PRELID2: variants seen among roughly 807,000 people sequenced by gnomAD.
PRELID2 encodes PRELI domain-containing protein 2.
PRELID2 carries 25 observed loss-of-function variants against 28.4 expected under a neutral mutation model. The observed-to-expected ratio is 0.88, with a 90% CI of 0.64 to 1.23. The LOEUF (loss-of-function observed/expected upper bound fraction) is 1.23. Ranked by LOEUF, PRELID2 falls within the 50% of genes most tolerant of loss-of-function variation. PRELID2 has a pLI of 0.00. For synonymous variants in PRELID2, 76 were observed against 71.6 expected, an observed-to-expected ratio of 1.06 and a Z score of -0.31; for missense variants, 201 against 214.4, an observed-to-expected ratio of 0.94 and a Z score of 0.39.
chr5:145,706,783 A>G (rs970003820), intron 1 of PRELID2, among the ~76,000 whole-genome samples: 6 of 152,206 alleles, frequency 3.9e-5, no homozygotes, highest in African/African-American at 1.4e-4. Context: ...CATGTTACCT[A>G]TGAAACATAA....
chr5:145,316,085 T>C, the PRELID2 span, among the ~76,000 whole-genome samples: 2 of 152,180 alleles, frequency 1.3e-5, no homozygotes, highest in African/African-American at 4.8e-5. Flanking sequence ...ATGTCAGATA[T>C]GTAGCTTGAA....
chr5:145,491,801 G>A (rs767815736), intron 1 of PRELID2, among the ~76,000 whole-genome samples: 1 of 151,648 alleles, frequency 6.6e-6, no homozygotes, highest in Non-Finnish European at 1.5e-5. Flanking sequence ...TGTGGTATTT[G>A]TCTTTCTGTG....
At chr5:145,824,425 C>CGTGTATGTGTGTGTGT (rs1554100809) in intron 1 of PRELID2, among the ~76,000 whole-genome samples, 130 of 96,254 alleles carry the variant, frequency 1.4e-3, no homozygotes, top group African/African-American at 3.8e-3. Flanking sequence ...CCACAGCAGG[C>CGTGTATGTGTGTGTGT]GTGTGTGTGT....
chr5:145,344,824 T>C, the PRELID2 span, among the ~76,000 whole-genome samples: 1 of 152,114 alleles, frequency 6.6e-6, no homozygotes, highest in Non-Finnish European at 1.5e-5. Context: ...ATTAAGCACT[T>C]ATGTTTCTTC....
At chr5:145,430,982 T>C in the PRELID2 span, among the ~76,000 whole-genome samples, 3 of 145,776 alleles carry the variant, frequency 2.1e-5, no homozygotes, top group African/African-American at 7.5e-5. Context: ...TACATCAAAC[T>C]CTGGGAATGA....
intron 1 of PRELID2, among the ~76,000 whole-genome samples, chr5:145,587,266 T>C (rs1307804280): frequency 6.6e-6 from 1 of 152,124 alleles, no homozygotes; most frequent in East Asian, 1.9e-4. Flanking sequence ...AAGTATCCTA[T>C]TTGGTGTGTG....
chr5:145,424,223 A>G, the PRELID2 span, among the ~76,000 whole-genome samples: 129 of 152,100 alleles, frequency 8.5e-4, 1 homozygote, highest in African/African-American at 3.1e-3. Context: ...GGTGCAGCCT[A>G]CAGAGGCAGG....
At chr5:145,755,359 C>T (rs1450923214), downstream of PRELID2, among the ~76,000 whole-genome samples, 1 of 152,206 alleles carries the variant, frequency 6.6e-6, no homozygotes, top group Admixed American at 6.5e-5. Context: ...AGGCCTTCTC[C>T]ACAATAATGC....
At chr5:145,262,336 C>T in the PRELID2 span, among the ~76,000 whole-genome samples, 2 of 152,096 alleles carry the variant, frequency 1.3e-5, no homozygotes, top group Admixed American at 1.3e-4. Context: ...GCTCAAAGAA[C>T]AGCTGGGAAA....
intron 1 of PRELID2, among the ~76,000 whole-genome samples, chr5:145,659,241 G>A (rs1391407411): frequency 6.6e-6 from 1 of 152,164 alleles, no homozygotes; most frequent in East Asian, 1.9e-4. Flanking sequence ...CCCAGGCACT[G>A]GGGCAGAATC....
intron 1 of PRELID2, among the ~76,000 whole-genome samples, chr5:145,517,350 C>T (rs547593091): frequency 2.6e-5 from 4 of 152,030 alleles, no homozygotes; most frequent in South Asian, 2.1e-4. Context: ...AGACACTTCT[C>T]GAAAGAAGAC....
the PRELID2 span, among the ~76,000 whole-genome samples, chr5:145,463,342 GT>G: frequency 0.02 from 2,683 of 135,788 alleles, 48 homozygotes; most frequent in African/African-American, 0.048. Context: ...CCTATTTGAA[GT>G]TTTTTTTTTT....
At chr5:145,582,902 T>A (rs1753120683) in intron 1 of PRELID2, among the ~76,000 whole-genome samples, 1 of 152,114 alleles carries the variant, frequency 6.6e-6, no homozygotes, top group Non-Finnish European at 1.5e-5. Flanking sequence ...ACTGAAACTA[T>A]ACCAAAAAGT....
chr5:145,484,048 GA>G (rs1278379769), intron 1 of PRELID2, among the ~76,000 whole-genome samples: 27 of 152,188 alleles, frequency 1.8e-4, no homozygotes, highest in African/African-American at 6.3e-4. Flanking sequence ...GTCTAAAAGA[GA>G]AAATCAAATG....
At chr5:145,677,517 C>T (rs1754844580) in intron 1 of PRELID2, among the ~76,000 whole-genome samples, 1 of 151,966 alleles carries the variant, frequency 6.6e-6, no homozygotes, top group Non-Finnish European at 1.5e-5. Flanking sequence ...GAAATGATAT[C>T]AAGTCTTGGA....
In PRELID2 at chr5:145,687,597, T is replaced by C. The variant is rs768912949; in HGVS notation, n.70+77334A>G. ...AAATTGTCATTCTTTTGTTTATCGA[T>C]GTGTTACCTTTCAGATTGTCTCTTT... On this transcript the variant is annotated intron_variant and non_coding_transcript_variant, in intron 1 of 2. Coordinates refer to the PRELID2 transcript ENST00000510259. 4.6e-5 allele frequency among the ~76,000 whole-genome samples: 7 copies of C among 152,228 alleles called. No individual in the cohort carries two copies. The South Asian group carries it at 1.4e-3, about 31-fold the overall frequency.
chr5:145,579,283 T>C (rs1289133542), intron 1 of PRELID2, among the ~76,000 whole-genome samples: 1 of 152,112 alleles, frequency 6.6e-6, no homozygotes, highest in Non-Finnish European at 1.5e-5. Flanking sequence ...AACATCAACA[T>C]TCATACATAT....
At chr5:145,687,022 C>CA (rs1755050792) in intron 1 of PRELID2, among the ~76,000 whole-genome samples, 1 of 151,948 alleles carries the variant, frequency 6.6e-6, no homozygotes, top group South Asian at 2.1e-4. Flanking sequence ...GAGATGATGA[C>CA]AAAAAAGTAT....
the PRELID2 span, among the ~76,000 whole-genome samples, chr5:145,296,782 G>A: frequency 6.6e-6 from 1 of 152,050 alleles, no homozygotes; most frequent in Non-Finnish European, 1.5e-5. Flanking sequence ...CTTCCACAAG[G>A]GTTGAACTAG....
Sources: allele counts gnomAD v4.1 joint callset (sites outside exome capture counted in the v4.1 genomes callset), GRCh38; gene constraint gnomAD v4.1.1; transcripts MANE v1.5; gene names NCBI Gene and HGNC (gene_info 2026-07-23, HGNC 2026-07-21).